The following LPIN1 variants were observed in gnomAD, a reference collection of about 807,000 sequenced individuals.
The protein encoded by LPIN1 is lipin 1.
LPIN1 carries 71 observed loss-of-function variants against 107.5 expected under a neutral mutation model. The ratio of observed to expected loss-of-function variants is 0.66; its 90% CI spans 0.55 to 0.80. LPIN1 has a LOEUF of 0.80. Among genes scored for constraint, LPIN1 ranks in the 30% least tolerant of loss-of-function variants. The pLI is 0.00. For synonymous variants in LPIN1, 445 were observed against 452.6 expected (o/e 0.98, Z 0.21); for missense variants, 1,043 against 1,160.6 (o/e 0.90, Z 1.47).
At chr2:11,677,662 C>G (rs527883091) in exon 1 of LPIN1, 9 of 1,535,480 alleles carry the variant, frequency 5.9e-6, no homozygotes, top group Non-Finnish European at 7.8e-6. Flanking sequence ...GGGAACAGGA[C>G]GGCATTCGCA....
chr2:11,804,582 C>T lies in LPIN1; in HGVS notation c.2162+11C>T, dbSNP rs1398510394. 1 of 1,613,482 alleles carries T rather than the reference C, an allele frequency of 6.2e-7. No individual in the cohort carries two copies. Among genetic ancestry groups the T allele is most frequent in the South Asian group, 1.1e-5 (1 of 91,056 alleles). On this transcript the variant is annotated intron_variant, in intron 16 of 20. Coordinates refer to ENST00000674199, the MANE Select transcript of LPIN1 (RefSeq NM_001349206.2). ...TGGGACAATTACCAGGTAGGTCCTG[C>T]TGACTTGGGGCCCATGGTAGATTTC...
At chr2:11,808,490 A>C (rs374066121) in intron 17 of LPIN1, among the ~76,000 whole-genome samples, 74 of 152,318 alleles carry the variant, frequency 4.9e-4, no homozygotes, top group Non-Finnish European at 9.8e-4. Flanking sequence ...TGCCGTTTAC[A>C]TGAGGGTTTG....
chr2:11,793,715 A>G (rs1042618273), intron 13 of LPIN1, among the ~76,000 whole-genome samples: 1 of 152,168 alleles, frequency 6.6e-6, no homozygotes, highest in Non-Finnish European at 1.5e-5. Flanking sequence ...TTCCCTGCAG[A>G]TGAGTCTGGT....
chr2:11,787,013 C>A, intron 10 of LPIN1, 61 bp from the exon 11 acceptor site: 2 of 1,108,174 alleles, frequency 1.8e-6, no homozygotes, highest in South Asian at 1.2e-5. Flanking sequence ...GAAAGGTAGG[C>A]CTAATTTTGA....
At chr2:11,730,187 C>T (rs1572439654) in intron 1 of LPIN1, among the ~76,000 whole-genome samples, 1 of 152,172 alleles carries the variant, frequency 6.6e-6, no homozygotes, top group African/African-American at 2.4e-5. Context: ...CTCTGTTTTC[C>T]TCTGTGTTTC....
intron 1 of LPIN1, among the ~76,000 whole-genome samples, chr2:11,684,440 A>G (rs571848841): frequency 1.6e-4 from 24 of 152,326 alleles, no homozygotes; most frequent in African/African-American, 5.5e-4. Context: ...GGCCTCTCAT[A>G]GTTCTGGAAT....
At chr2:11,741,878 C>T (rs1666400708), upstream of LPIN1, 1 of 153,500 alleles carries the variant, frequency 6.5e-6, no homozygotes, top group Non-Finnish European at 1.4e-5. Flanking sequence ...TGGTCTCGAA[C>T]TCCTGAACTC....
At chr2:11,727,043 G>T (rs1479417966) in intron 1 of LPIN1, among the ~76,000 whole-genome samples, 1 of 152,232 alleles carries the variant, frequency 6.6e-6, no homozygotes, top group Non-Finnish European at 1.5e-5. Context: ...CTTGATTAAA[G>T]GGGTGTCTCC....
chr2:11,824,731 C>T lies in LPIN1; in HGVS notation c.2721C>T (p.Thr907=). 2 of 1,614,156 alleles carry T rather than the reference C, an allele frequency of 1.2e-6. No individual in the cohort carries two copies. Among genetic ancestry groups the T allele is most frequent in the Non-Finnish European group, 1.7e-6 (2 of 1,180,024 alleles). The part of the protein sequence containing the change: ...FPCSDTFSNF[T]FWREPLPPFE... ...GTTCGGATACCTTCAGTAACTTCAC[C>T]TTTTGGAGAGAGCCACTGCCACCTT... is the stretch of plus-strand genomic sequence containing the variant. Residue 907 remains threonine (T), a synonymous_variant, in exon 21 of 21, where the codon ACC becomes ACT. Transcript: ENST00000674199.
intron 1 of LPIN1, among the ~76,000 whole-genome samples, chr2:11,739,941 A>T (rs1214451565): frequency 6.6e-6 from 1 of 152,262 alleles, no homozygotes; most frequent in East Asian, 1.9e-4. Flanking sequence ...AGAGATATAG[A>T]TAAATGAGAG....
chr2:11,787,940 C>CA (rs748630756), intron 11 of LPIN1, among the ~76,000 whole-genome samples: 12,553 of 96,282 alleles, frequency 0.13, 1,787 homozygotes, highest in African/African-American at 0.38. Flanking sequence ...GACTCTGTCT[C>CA]AAAAAAAAAA....
chr2:11,794,073 C>G (rs2577266), intron 13 of LPIN1, among the ~76,000 whole-genome samples: 10,854 of 152,238 alleles, frequency 0.071, 1,255 homozygotes, highest in African/African-American at 0.24. Flanking sequence ...AGAGTTTTAT[C>G]AAGATATAAT....
intron 7 of LPIN1, among the ~76,000 whole-genome samples, chr2:11,780,334 A>G (rs750483818): frequency 1.1e-4 from 17 of 152,184 alleles, no homozygotes; most frequent in Non-Finnish European, 2.5e-4. Context: ...ACAGGGAGAG[A>G]GTTGTGGACT....
chr2:11,813,327 T>C (rs1271440814), intron 17 of LPIN1, among the ~76,000 whole-genome samples: 1 of 152,210 alleles, frequency 6.6e-6, no homozygotes, highest in Non-Finnish European at 1.5e-5. Flanking sequence ...TGATATCACT[T>C]AGACATGTAA....
chr2:11,742,177 TAC>T (rs1355269523), upstream of LPIN1: 1 of 152,166 alleles, frequency 6.6e-6, no homozygotes, highest in East Asian at 1.9e-4. Context: ...TGAGAAGATC[TAC>T]AGTCATGTGC....
chr2:11,768,100 C>T (rs558569136), intron 3 of LPIN1, among the ~76,000 whole-genome samples: 2 of 152,244 alleles, frequency 1.3e-5, no homozygotes, highest in African/African-American at 4.8e-5. Flanking sequence ...TCCCAGGAGA[C>T]AGAGGGATGG....
At chr2:11,741,217 G>A (rs1666332007) in intron 1 of LPIN1, 1 of 602,156 alleles carries the variant, frequency 1.7e-6, no homozygotes, top group Non-Finnish European at 2.9e-6. Context: ...GAGCCCGGGA[G>A]TCCTGCCCCA....
upstream of LPIN1, chr2:11,722,558 T>C (rs1438393522): frequency 6.6e-6 from 1 of 152,228 alleles, no homozygotes; most frequent in East Asian, 1.9e-4. Context: ...TTCAGGCTAA[T>C]AGGTGTGTAT....
At chr2:11,808,799 A>G (rs1679148535) in intron 17 of LPIN1, among the ~76,000 whole-genome samples, 1 of 150,090 alleles carries the variant, frequency 6.7e-6, no homozygotes, top group Non-Finnish European at 1.5e-5. Flanking sequence ...TGAACCCTAG[A>G]GGCAGAGGTT....
Sources: allele counts gnomAD v4.1 joint callset (sites outside exome capture counted in the v4.1 genomes callset), GRCh38; gene constraint gnomAD v4.1.1; transcripts MANE v1.5; gene names NCBI Gene and HGNC (gene_info 2026-07-23, HGNC 2026-07-21).